Variants in SI observed in about 807,000 individuals in gnomAD.
The protein encoded by SI is sucrase-isomaltase, intestinal.
A neutral mutation model predicts 253.3 loss-of-function variants in SI; 235 were observed. That is an observed-to-expected ratio of 0.93 (90% CI 0.83 to 1.03). The LOEUF (loss-of-function observed/expected upper bound fraction) is 1.03. Ranked by LOEUF, SI falls within the 50% of genes least tolerant of loss-of-function variation. SI has a pLI of 0.00. For missense variants in SI, 2,442 were observed against 2,211.1 expected, an observed-to-expected ratio of 1.10 and a Z score of -2.09; for synonymous variants, 819 against 712.0, an observed-to-expected ratio of 1.15 and a Z score of -2.39.
chr3:164,992,539 A>C lies in SI; in HGVS notation c.4842-142T>G, dbSNP rs141135157. The C allele has an allele frequency of 1.4e-3, 916 of 643,120 alleles. 5 individuals carry two copies. The African/African-American group carries it at 0.015, about 11-fold the overall frequency. 39.8% of individuals were successfully genotyped at this position (643,120 alleles called of 1,614,324 possible). ...CAAAACTGTAAAAAAATTAAAAAAT[A>C]TATCAGTTGGAATGTAATAGTACAA... On this transcript the variant is annotated intron_variant, in intron 41 of 47. Transcript: ENST00000264382.
At chr3:164,990,987 TA>T (rs1450297628) in intron 44 of SI, among the ~76,000 whole-genome samples, 8 of 150,268 alleles carry the variant, frequency 5.3e-5, no homozygotes, top group South Asian at 2.1e-4. Context: ...AAAAAGATAA[TA>T]TTTTTTTTGA....
chr3:165,026,162 C>T (rs1014259518), intron 25 of SI, among the ~76,000 whole-genome samples: 1 of 150,882 alleles, frequency 6.6e-6, no homozygotes, highest in Non-Finnish European at 1.5e-5. Context: ...CAAATGAACA[C>T]TGAAAGCCAG....
At chr3:164,988,319 A>G (rs1717540414) in intron 44 of SI, among the ~76,000 whole-genome samples, 1 of 152,204 alleles carries the variant, frequency 6.6e-6, no homozygotes, top group Non-Finnish European at 1.5e-5. Context: ...ATGAATATGT[A>G]TATGAATTTC....
intron 37 of SI, among the ~76,000 whole-genome samples, chr3:165,005,271 T>TAA (rs145950103): frequency 0.12 from 18,772 of 152,040 alleles, 1,243 homozygotes; most frequent in South Asian, 0.17. Context: ...AAAGAATGAA[T>TAA]AATATATACT....
At chr3:165,068,004 A>G (rs1714336506) in intron 5 of SI, among the ~76,000 whole-genome samples, 1 of 152,010 alleles carries the variant, frequency 6.6e-6, no homozygotes, top group African/African-American at 2.4e-5. Context: ...ATATACAAAG[A>G]ATTTGGTGCT....
At chr3:164,989,843 T>G (rs1469779379) in intron 44 of SI, among the ~76,000 whole-genome samples, 1 of 152,186 alleles carries the variant, frequency 6.6e-6, no homozygotes, top group African/African-American at 2.4e-5. Context: ...TGTTACATAC[T>G]GTATGATTCC....
At chr3:165,070,240 A>G (rs1714476162) in intron 3 of SI, among the ~76,000 whole-genome samples, 1 of 143,504 alleles carries the variant, frequency 7.0e-6, no homozygotes, top group African/African-American at 2.7e-5. Context: ...AAAAATACAC[A>G]TAGTTTTATT....
At chr3:164,983,984 T>C (rs1299715264) in intron 45 of SI, among the ~76,000 whole-genome samples, 2 of 152,128 alleles carry the variant, frequency 1.3e-5, no homozygotes, top group Admixed American at 6.6e-5. Context: ...AAATTCTAAA[T>C]ACTGTATCAC....
intron 26 of SI, among the ~76,000 whole-genome samples, chr3:165,022,219 TTGTTTATAG>T (rs1711658534): frequency 6.6e-6 from 1 of 151,608 alleles, no homozygotes; most frequent in Non-Finnish European, 1.5e-5. Context: ...TGTCCTCTAA[TTGTTTATAG>T]TGTTTTTTGA....
In SI at chr3:165,007,954, ATTAGTAGTTGTTCCAT is replaced by A. The variant is rs1038499768; in HGVS notation, c.4208_4223del (p.Asn1403IlefsTer8). 5 of 1,603,244 alleles carry A rather than the reference ATTAGTAGTTGTTCCAT, an allele frequency of 3.1e-6. No homozygotes were observed. In the Admixed American group the frequency reaches 5.0e-5, roughly 16 times the overall value. On this transcript the variant is annotated frameshift_variant, in exon 36 of 48. Transcript: ENST00000264382. LOFTEE classifies it high-confidence loss of function. ...AATTTAGTTCGTCATTTCTGCATTGATTAGTAGTTGTTCCATTTACAAAACTTGATGGCTCATTCAT... is the reference window on the plus strand; with the variant it reads ...AATTTAGTTCGTCATTTCTGCATTGATTACAAAACTTGATGGCTCATTCAT...
At chr3:165,078,368 T>C (rs889625497) in intron 1 of SI, 65 bp downstream of exon 1, 4 of 151,910 alleles carry the variant, frequency 2.6e-5, no homozygotes, top group Non-Finnish European at 5.9e-5. Flanking sequence ...CTAACACAAA[T>C]TAAGAAAAAA....
At chr3:165,025,652 C>T (rs1287153616) in intron 25 of SI, among the ~76,000 whole-genome samples, 1 of 151,282 alleles carries the variant, frequency 6.6e-6, no homozygotes, top group African/African-American at 2.4e-5. Flanking sequence ...AGCAGAAACC[C>T]TACAAGCTAG....
intron 27 of SI, 27 bp from the exon 28 acceptor site, chr3:165,019,797 G>A: frequency 6.2e-7 from 1 of 1,604,046 alleles, no homozygotes; most frequent in Non-Finnish European, 8.5e-7. Context: ...ACAAAGCTAT[G>A]TCTGTCAAAA....
At chr3:164,983,737 G>A (rs145168667) in intron 45 of SI, among the ~76,000 whole-genome samples, 275 of 151,994 alleles carry the variant, frequency 1.8e-3, no homozygotes, top group African/African-American at 6.4e-3. Flanking sequence ...CTACAGGCAT[G>A]CACTACCATG....
At chr3:165,064,262 C>A (rs1375418208) in intron 7 of SI, among the ~76,000 whole-genome samples, 1 of 151,618 alleles carries the variant, frequency 6.6e-6, no homozygotes, top group Admixed American at 6.6e-5. Flanking sequence ...ATGATAGAGA[C>A]AAACTGGAAA....
chr3:165,049,357 G>C (rs1576909332), intron 14 of SI, 113 bp from the exon 15 acceptor site: 2 of 738,254 alleles, frequency 2.7e-6, no homozygotes, highest in Non-Finnish European at 4.7e-6. Flanking sequence ...TTCCATATTT[G>C]GTTAAAAACA....
At chr3:165,004,170 T>C (rs1261596887) in intron 37 of SI, among the ~76,000 whole-genome samples, 3 of 152,154 alleles carry the variant, frequency 2.0e-5, no homozygotes, top group Admixed American at 6.5e-5. Flanking sequence ...AAAGAAGACA[T>C]ACAAATGGCA....
chr3:164,983,192 T>C (rs1269819508), intron 45 of SI, 141 bp from the exon 46 acceptor site: 10 of 806,044 alleles, frequency 1.2e-5, no homozygotes, highest in South Asian at 1.8e-5. Flanking sequence ...TCTAAGCCTA[T>C]TTAACTAATT....
chr3:164,989,080 T>TATA (rs1280645836), intron 44 of SI, among the ~76,000 whole-genome samples: 1 of 147,400 alleles, frequency 6.8e-6, no homozygotes, highest in African/African-American at 2.6e-5. Context: ...AAACTTAAAG[T>TATA]ATAATAATAA....
Sources: allele counts gnomAD v4.1 joint callset (sites outside exome capture counted in the v4.1 genomes callset), GRCh38; gene constraint gnomAD v4.1.1; transcripts MANE v1.5; gene names NCBI Gene and HGNC (gene_info 2026-07-23, HGNC 2026-07-21).